Variants in XKR9 observed in about 807,000 individuals in gnomAD.
XKR9 encodes the protein XK related 9, also known as XK-related protein 9.
Under a neutral mutation model 32.0 loss-of-function variants are expected in XKR9, and 32 were observed. That is an observed-to-expected ratio of 1.00 (90% CI 0.76 to 1.34). The LOEUF is 1.34. Ranked by LOEUF, XKR9 falls within the 40% of genes most tolerant of loss-of-function variation. The pLI is 0.00. For synonymous variants in XKR9, 168 were observed against 143.4 expected (o/e 1.17, Z -1.22); for missense variants, 546 against 429.7 (o/e 1.27, Z -2.39).
the XKR9 span, among the ~76,000 whole-genome samples, chr8:70,812,140 C>T: frequency 1.5e-4 from 23 of 152,242 alleles, no homozygotes; most frequent in Admixed American, 2.6e-4. Flanking sequence ...GTTCAACATA[C>T]GCAAATCAAG....
chr8:70,744,353 T>C (rs78493367), intron 2 of XKR9, among the ~76,000 whole-genome samples: 11,031 of 152,114 alleles, frequency 0.073, 472 homozygotes, highest in Non-Finnish European at 0.089. Flanking sequence ...AGACAAGATG[T>C]GTAAAGCTTT....
At chr8:70,854,772 A>C in the XKR9 span, among the ~76,000 whole-genome samples, 1 of 152,190 alleles carries the variant, frequency 6.6e-6, no homozygotes, top group African/African-American at 2.4e-5. Flanking sequence ...CCATTTATTA[A>C]ATAGGAATCC....
At chr8:70,883,484 G>A in the XKR9 span, among the ~76,000 whole-genome samples, 1 of 151,998 alleles carries the variant, frequency 6.6e-6, no homozygotes, top group African/African-American at 2.4e-5. Context: ...TTTCCTTTGG[G>A]TAGATACCCA....
intron 2 of XKR9, among the ~76,000 whole-genome samples, chr8:70,777,134 G>T (rs921919674): frequency 6.6e-6 from 1 of 151,264 alleles, no homozygotes; most frequent in Non-Finnish European, 1.5e-5. Context: ...TGGCCCCCTT[G>T]TGTGATGTTC....
the XKR9 span, among the ~76,000 whole-genome samples, chr8:70,956,974 A>AG: frequency 2.0e-5 from 3 of 152,128 alleles, no homozygotes; most frequent in African/African-American, 4.8e-5. Flanking sequence ...CCAACTCGAT[A>AG]GGGGGGCAGG....
At chr8:70,872,596 G>T in the XKR9 span, among the ~76,000 whole-genome samples, 1 of 152,174 alleles carries the variant, frequency 6.6e-6, no homozygotes, top group Non-Finnish European at 1.5e-5. Flanking sequence ...ATATAAAGGA[G>T]AAATCAATGC....
the XKR9 span, among the ~76,000 whole-genome samples, chr8:70,813,645 A>G: frequency 6.6e-6 from 1 of 152,236 alleles, no homozygotes; most frequent in Admixed American, 6.5e-5. Context: ...ATGAACAGAC[A>G]CTTCTTCAAA....
At chr8:71,018,355 T>C in the XKR9 span, among the ~76,000 whole-genome samples, 1 of 152,182 alleles carries the variant, frequency 6.6e-6, no homozygotes, top group Non-Finnish European at 1.5e-5. Context: ...AAATGGCTCT[T>C]CCAAGAGGAA....
the XKR9 span, among the ~76,000 whole-genome samples, chr8:70,835,938 GA>G: frequency 6.6e-6 from 1 of 151,918 alleles, no homozygotes; most frequent in Admixed American, 6.6e-5. Flanking sequence ...TTCATCTAAA[GA>G]AAAACATTTT....
intron 3 of XKR9, among the ~76,000 whole-genome samples, chr8:70,704,811 ACTTTT>A: frequency 6.6e-6 from 1 of 152,218 alleles, no homozygotes; most frequent in Non-Finnish European, 1.5e-5. Context: ...CTAAAACACG[ACTTTT>A]CTTAGAAATC....
At chr8:70,724,042 C>T (rs997692879) in intron 4 of XKR9, among the ~76,000 whole-genome samples, 3 of 152,050 alleles carry the variant, frequency 2.0e-5, no homozygotes, top group South Asian at 2.1e-4. Context: ...ATCCGTAAGC[C>T]CCTGACTGGG....
the XKR9 span, among the ~76,000 whole-genome samples, chr8:71,027,152 T>G: frequency 2.6e-5 from 4 of 151,798 alleles, no homozygotes; most frequent in Non-Finnish European, 4.4e-5. Context: ...TCTGTAAGCA[T>G]TTTTTTCAGC....
the XKR9 span, among the ~76,000 whole-genome samples, chr8:70,811,940 A>T: frequency 2.6e-5 from 4 of 152,264 alleles, no homozygotes; most frequent in African/African-American, 9.6e-5. Context: ...AACTCATTTT[A>T]TGAGGCCAGC....
the XKR9 span, among the ~76,000 whole-genome samples, chr8:70,871,059 A>C: frequency 6.6e-6 from 1 of 152,186 alleles, no homozygotes; most frequent in African/African-American, 2.4e-5. Context: ...GTTGTAATTT[A>C]TATCTTATCT....
chr8:70,872,342 T>C, the XKR9 span, among the ~76,000 whole-genome samples: 1 of 152,278 alleles, frequency 6.6e-6, no homozygotes, highest in East Asian at 1.9e-4. Context: ...CTGAGAGAGC[T>C]AATAAAGCTG....
chr8:70,851,671 A>T, the XKR9 span, among the ~76,000 whole-genome samples: 1 of 152,222 alleles, frequency 6.6e-6, no homozygotes, highest in East Asian at 1.9e-4. Context: ...TGACAAAAAC[A>T]AGAAATGAGG....
chr8:70,739,878 T>A (rs1806939605), downstream of XKR9, among the ~76,000 whole-genome samples: 1 of 152,230 alleles, frequency 6.6e-6, no homozygotes, highest in Non-Finnish European at 1.5e-5. Context: ...TAACCCAACC[T>A]TTCTCTCTGG....
chr8:70,727,608 C>G (rs1316012954), intron 4 of XKR9, among the ~76,000 whole-genome samples: 1 of 152,036 alleles, frequency 6.6e-6, no homozygotes, highest in East Asian at 1.9e-4. Context: ...CCATATTGGC[C>G]AGGCTGGTCT....
intron 2 of XKR9, among the ~76,000 whole-genome samples, chr8:70,746,419 G>T (rs765184855): frequency 6.8e-6 from 1 of 146,360 alleles, no homozygotes; most frequent in Non-Finnish European, 1.5e-5. Flanking sequence ...AAAATATATT[G>T]TATATATGAT....
Sources: gnomAD v4.1 joint callset for allele counts (sites outside exome capture counted in the v4.1 genomes callset) on GRCh38, gnomAD v4.1.1 for gene constraint, MANE v1.5 for transcripts, NCBI Gene and HGNC (gene_info 2026-07-23, HGNC 2026-07-21) for gene names.